EGLN1: variants seen among roughly 807,000 people sequenced by gnomAD.
EGLN1 encodes egl nine homolog 1.
Under a neutral mutation model 38.3 loss-of-function variants are expected in EGLN1, and 17 were observed. That is an observed-to-expected ratio of 0.44 (90% CI 0.30 to 0.67). EGLN1 has a LOEUF of 0.67. EGLN1 is among the 30% of genes least tolerant of loss of function. The pLI, the probability that EGLN1 is intolerant of heterozygous loss-of-function variation, is 0.08. For missense variants in EGLN1, 477 were observed against 603.3 expected (o/e 0.79, Z 2.19); for synonymous variants, 283 against 257.5 (o/e 1.10, Z -0.95).
At chr1:231,417,877 C>T (rs1472192253) in intron 1 of EGLN1, among the ~76,000 whole-genome samples, 1 of 152,088 alleles carries the variant, frequency 6.6e-6, no homozygotes, top group African/African-American at 2.4e-5. Flanking sequence ...AAAGAGCATG[C>T]AATATACATG....
At chr1:231,395,120 C>A (rs1277579569) in intron 1 of EGLN1, among the ~76,000 whole-genome samples, 2 of 152,206 alleles carry the variant, frequency 1.3e-5, no homozygotes, top group Non-Finnish European at 2.9e-5. Flanking sequence ...CCTCAGAGAT[C>A]TTTTACTCTA....
intron 1 of EGLN1, among the ~76,000 whole-genome samples, chr1:231,407,827 C>G (rs1688835245): frequency 1.3e-5 from 2 of 152,000 alleles, no homozygotes; most frequent in Non-Finnish European, 1.5e-5. Context: ...CTATTTTTAT[C>G]TGGAAAATAG....
intron 1 of EGLN1, among the ~76,000 whole-genome samples, chr1:231,406,792 T>G (rs1688808274): frequency 6.6e-6 from 1 of 152,082 alleles, no homozygotes; most frequent in Non-Finnish European, 1.5e-5. Flanking sequence ...CCGCTCCCAC[T>G]AGATTCTGAA....
In EGLN1 at chr1:231,363,999, G is replaced by A. The variant is rs1427290784; in HGVS notation, c.*2412C>T. ...ATTAAACACATATAGGCCACAAACA[G>A]TTTTAAATTTTGTTTGAAATAGAGT... is the stretch of plus-strand genomic sequence containing the variant. On this transcript the variant is annotated 3_prime_UTR_variant, in exon 5 of 5. Coordinates refer to ENST00000366641, the MANE Select transcript of EGLN1 (RefSeq NM_022051.3). 1 of 152,110 alleles carries A rather than the reference G, an allele frequency of 6.6e-6. No individual in the cohort carries two copies. The highest frequency in any genetic ancestry group is 1.9e-4 in the East Asian group (1 of 5,196). The allele number at this position is 152,110 out of a possible 1,614,324, so 9.4% of individuals were successfully genotyped here.
intron 3 of EGLN1, among the ~76,000 whole-genome samples, chr1:231,368,974 T>C (rs1476791924): frequency 1.3e-5 from 2 of 152,184 alleles, no homozygotes; most frequent in Non-Finnish European, 2.9e-5. Context: ...ATTTTATGTA[T>C]CTTTTGCCCA....
chr1:231,371,319 C>T (rs868209287), intron 2 of EGLN1, among the ~76,000 whole-genome samples: 12 of 152,182 alleles, frequency 7.9e-5, no homozygotes, highest in African/African-American at 2.6e-4. Flanking sequence ...ATTTGCTTAA[C>T]CCACCCTTCA....
intron 1 of EGLN1, among the ~76,000 whole-genome samples, chr1:231,418,915 G>A (rs1427811208): frequency 6.6e-6 from 1 of 151,770 alleles, no homozygotes; most frequent in Non-Finnish European, 1.5e-5. Flanking sequence ...CTAATATGAT[G>A]CCTAACACAC....
intron 1 of EGLN1, among the ~76,000 whole-genome samples, chr1:231,413,577 G>T (rs1163154135): frequency 6.6e-6 from 1 of 151,920 alleles, no homozygotes; most frequent in Non-Finnish European, 1.5e-5. Context: ...CACCTAACGT[G>T]CCATGTATTA....
rs771498926 is a variant in EGLN1 at position 231,421,644 on chromosome 1, G to A, written c.245C>T (p.Ala82Val). ...HQHSGPAPPA[A>V]VPPPRAGARE... ...GGCCCCGGCCCTGGGCGGCGGCACT[G>A]CAGCCGGCGGCGCGGGGCCGGAATG... Residue 82 changes from alanine to valine, a missense_variant, in exon 1 of 5, where the codon GCA (alanine) becomes GTA (valine). Ala to Val is a moderately conservative substitution (Grantham distance 64). Coordinates refer to ENST00000366641, the MANE Select transcript of EGLN1 (RefSeq NM_022051.3). This position sits in a 1 kb window ranked among gnomAD's most constrained non-coding sequence, Gnocchi z 5.5. 3 of 1,454,484 alleles carry A rather than the reference G, an allele frequency of 2.1e-6. No individual in the cohort carries two copies. Among genetic ancestry groups the A allele is most frequent in the East Asian group, 3.0e-5 (1 of 33,270 alleles). 90.1% of individuals were successfully genotyped at this position (1,454,484 alleles called of 1,614,324 possible).
intron 1 of EGLN1, among the ~76,000 whole-genome samples, chr1:231,382,620 T>A (rs1035135194): frequency 6.6e-6 from 1 of 152,234 alleles, no homozygotes; most frequent in African/African-American, 2.4e-5. Context: ...AATGGCCTAC[T>A]ATTAGGGACT....
chr1:231,387,654 C>A (rs1010497729), intron 1 of EGLN1, among the ~76,000 whole-genome samples: 1 of 152,120 alleles, frequency 6.6e-6, no homozygotes, highest in Non-Finnish European at 1.5e-5. Context: ...CCACCACACC[C>A]GGCCGCAACT....
intron 4 of EGLN1, 53 bp from the exon 5 acceptor site, chr1:231,366,528 C>T (rs1687652733): frequency 6.6e-7 from 1 of 1,519,902 alleles, no homozygotes; most frequent in Non-Finnish European, 9.1e-7. Flanking sequence ...CACCAGAGAG[C>T]TTCTGCTACT....
intron 1 of EGLN1, among the ~76,000 whole-genome samples, chr1:231,404,079 T>C (rs1688729039): frequency 6.6e-6 from 1 of 152,134 alleles, no homozygotes; most frequent in South Asian, 2.1e-4. Context: ...CCTATTATAA[T>C]ACATACAGCA....
intron 1 of EGLN1, among the ~76,000 whole-genome samples, chr1:231,387,030 A>T (rs998730322): frequency 5.3e-5 from 8 of 151,840 alleles, no homozygotes; most frequent in South Asian, 2.1e-4. Flanking sequence ...CTAATTTTTT[A>T]AAATGTTTTG....
intron 1 of EGLN1, among the ~76,000 whole-genome samples, chr1:231,376,140 T>C (rs898035787): frequency 1.3e-5 from 2 of 152,322 alleles, no homozygotes; most frequent in Admixed American, 6.5e-5. Context: ...TCCCTCCTTA[T>C]AAGAAGTTTT....
At chr1:231,405,811 T>C (rs192532999) in intron 1 of EGLN1, among the ~76,000 whole-genome samples, 4 of 152,236 alleles carry the variant, frequency 2.6e-5, no homozygotes, top group Non-Finnish European at 4.4e-5. Context: ...CATCAAAGCA[T>C]AGTTCCTGAA....
At chr1:231,380,295 G>A (rs1295483008) in intron 1 of EGLN1, among the ~76,000 whole-genome samples, 3 of 124,804 alleles carry the variant, frequency 2.4e-5, no homozygotes, top group Admixed American at 1.0e-4. Flanking sequence ...AAGCCTGGGC[G>A]ACAGAGCGAG....
intron 1 of EGLN1, among the ~76,000 whole-genome samples, chr1:231,390,398 T>A (rs1688336648): frequency 6.6e-6 from 1 of 152,272 alleles, no homozygotes; most frequent in Non-Finnish European, 1.5e-5. Context: ...ATGTGCCACG[T>A]ACTATGCTAA....
chr1:231,366,192 T>C lies in EGLN1; in HGVS notation c.*219A>G. 1.7e-6 allele frequency: 1 copy of C among 588,640 alleles called. No homozygotes were observed. Among genetic ancestry groups the C allele is most frequent in the Non-Finnish European group, 3.0e-6 (1 of 332,232 alleles). The allele number at this position is 588,640 out of a possible 1,614,324, so 36.5% of individuals were successfully genotyped here. The stretch of plus-strand genomic sequence containing the variant: ...AACCATTTTCAATTAGTAGCTTATC[T>C]TCCTCCTGTAAGCAATCACAGATTT... On this transcript the variant is annotated 3_prime_UTR_variant, in exon 5 of 5. Transcript: ENST00000366641.
Sources: gnomAD v4.1 joint callset for allele counts (sites outside exome capture counted in the v4.1 genomes callset) on GRCh38, gnomAD v4.1.1 for gene constraint, Gnocchi (gnomAD v3.1) non-coding constraint, MANE v1.5 for transcripts, NCBI Gene and HGNC (gene_info 2026-07-23, HGNC 2026-07-21) for gene names.